Variants in HSPA8 observed in about 807,000 individuals in gnomAD.
HSPA8 encodes the protein heat shock cognate 71 kDa protein.
A neutral mutation model predicts 52.8 loss-of-function variants in HSPA8; 2 were observed. The observed-to-expected ratio is 0.04, with a 90% CI of 0.02 to 0.12. The LOEUF is 0.12. HSPA8 is among the 10% of genes least tolerant of loss of function. The pLI is 1.00. For missense variants in HSPA8, 349 were observed against 800.5 expected (o/e 0.44, Z 6.81); for synonymous variants, 436 against 274.0 (o/e 1.59, Z -5.84).
intron 2 of HSPA8, 46 bp from the exon 3 acceptor site, chr11:123,060,844 CTGATAAAACTCAAGTCCA>C (rs1865475443): frequency 6.5e-7 from 1 of 1,533,488 alleles, no homozygotes; most frequent in South Asian, 1.1e-5. Flanking sequence ...CATAGCTCTT[CTGATAAAACTCAAGTCCA>C]TGATTACTCA....
At position 123,062,129 on chromosome 11, in the gene HSPA8, T is replaced by A. The variant is rs1042314264; in HGVS notation, c.-71A>T. The A allele has an allele frequency of 6.6e-6, 1 of 152,598 alleles. No individual in the cohort carries two copies. Among genetic ancestry groups the A allele is most frequent in the Non-Finnish European group, 1.5e-5 (1 of 68,434 alleles). The allele number at this position is 152,598 out of a possible 1,614,324, so 9.5% of individuals were successfully genotyped here. A position where few individuals can be genotyped will look rare whatever the true frequency, so the allele number is the denominator to read the frequency against. ...AAAAACCCAAGAGCTGCAGGCGAGT[T>A]CAATGAGACCGGTTTCCGCCCGCCA... On this transcript the variant is annotated 5_prime_UTR_variant, in exon 1 of 9. Coordinates refer to ENST00000534624, the MANE Select transcript of HSPA8 (RefSeq NM_006597.6).
intron 2 of HSPA8, 135 bp from the exon 3 acceptor site, chr11:123,060,933 C>T (rs1865479559): frequency 1.1e-6 from 1 of 901,582 alleles, no homozygotes; most frequent in Non-Finnish European, 1.7e-6. Flanking sequence ...AAGGTTCAAA[C>T]TTCAACCTCC....
At chr11:123,061,837 C>G (rs930202020) in intron 1 of HSPA8, 1 of 164,984 alleles carries the variant, frequency 6.1e-6, no homozygotes, top group Non-Finnish European at 1.3e-5. Flanking sequence ...GTCTCCCAGC[C>G]TCCCCTGGGG....
At chr11:123,058,938 C>T in intron 6 of HSPA8, 108 bp from the exon 7 acceptor site, 1 of 1,385,244 alleles carries the variant, frequency 7.2e-7, no homozygotes, top group Non-Finnish European at 1.0e-6. Context: ...AGGAACTGGC[C>T]AACATAAGAC....
Position 123,060,208 on chromosome 11 carries a change from T to A in HSPA8, c.472A>T (p.Thr158Ser). 1 of 1,613,976 alleles carries A rather than the reference T, an allele frequency of 6.2e-7. No individual in the cohort carries two copies. The highest frequency in any genetic ancestry group is 8.5e-7 in the Non-Finnish European group (1 of 1,179,912). The change falls in exon 4 of 9, where the codon ACC (threonine) becomes TCC (serine). Residue 158 changes from threonine (T) to serine (S), a missense_variant. Coordinates refer to ENST00000534624, the MANE Select transcript of HSPA8 (RefSeq NM_006597.6). ...AYFNDSQRQA[T>S]KDAGTIAGLN... Reference sequence around the variant, plus strand: ...CCAGCAATAGTTCCAGCATCTTTGGTAGCCTGACGCTGAGAGTCATTAAAG... The same window carrying A: ...CCAGCAATAGTTCCAGCATCTTTGGAAGCCTGACGCTGAGAGTCATTAAAG...
At position 123,057,900 on chromosome 11, in the gene HSPA8, A is replaced by G. The variant is rs1339299808; in HGVS notation, c.1775T>C (p.Phe592Ser). The stretch of plus-strand genomic sequence containing the variant: ...CTCCAGCTCTTTCTGTTGATGTTCA[A>G]ATTCTTCCTTCTCAGCAGTCTGAGG... ...DKNQTAEKEE[F>S]EHQQKELEKV... The change falls in exon 9 of 9, where the codon TTT (phenylalanine) becomes TCT (serine). Residue 592 changes from phenylalanine (F) to serine (S), a missense_variant. Physicochemically the swap from Phe to Ser is radical, Grantham distance 155 (BLOSUM62 -2). Coordinates refer to ENST00000534624, the MANE Select transcript of HSPA8 (RefSeq NM_006597.6). 6.2e-7 allele frequency: 1 copy of G among 1,609,674 alleles called. No homozygotes were observed. The highest frequency in any genetic ancestry group is 1.7e-5 in the Admixed American group (1 of 58,682).
In HSPA8 at chr11:123,061,331, TGAAAAAAA is replaced by T. The variant is rs777360376; in HGVS notation, c.-5-10_-5-3del. ...CTGCAGGTCCCTTGGACATGGTTGC[TGAAAAAAA>T]GAAAAATCTGGTTTAAAAATTCAAT... On this transcript the variant is annotated splice_region_variant and splice_polypyrimidine_tract_variant and intron_variant, in intron 1 of 8. Transcript: ENST00000534624. 3.7e-5 allele frequency: 60 copies of T among 1,608,170 alleles called. No individual in the cohort carries two copies. Among genetic ancestry groups the T allele is most frequent in the African/African-American group, 1.4e-5 (1 of 73,664 alleles).
chr11:123,059,085 C>T lies in HSPA8; in HGVS notation c.1297G>A (p.Asp433Asn). 1 of 1,612,630 alleles carries T rather than the reference C, an allele frequency of 6.2e-7. No individual in the cohort carries two copies. Among genetic ancestry groups the T allele is most frequent in the Non-Finnish European group, 8.5e-7 (1 of 1,179,984 alleles). Reference protein sequence around the residue: ...KQTQTFTTYSDNQPGVLIQVY... With the variant: ...KQTQTFTTYSNNQPGVLIQVY... ...TGAATAAGCACACCAGGCTGGTTGT[C>T]AGAATAGGTAGTGAAGGTCTGTGTC... Residue 433 changes from aspartate (D) to asparagine (N), a missense_variant, in exon 6 of 9, where the codon GAC becomes AAC. Transcript: ENST00000534624.
intron 4 of HSPA8, 23 bp from the exon 5 acceptor site, chr11:123,060,051 T>A: frequency 1.9e-6 from 3 of 1,614,082 alleles, no homozygotes; most frequent in African/African-American, 1.3e-5. Context: ...ACAATCTCAT[T>A]TAAATTTACG....
Position 123,059,258 on chromosome 11 carries a change from A to G in HSPA8, c.1124T>C (p.Val375Ala). The G allele has an allele frequency of 1.2e-6, 2 of 1,612,068 alleles. No individual in the cohort carries two copies. Among genetic ancestry groups the G allele is most frequent in the Non-Finnish European group, 1.7e-6 (2 of 1,178,918 alleles). ...PDEAVAYGAA[V>A]QAAILSGDKS... is the part of the protein sequence containing the mutation. ...GTCTCCAGACAAGATGGCTGCCTGG[A>G]CAGCTAGCAAACAAAAAGTTAACGT... The change falls in exon 6 of 9, where the codon GTC becomes GCC. Residue 375 changes from valine to alanine, a missense_variant. Coordinates refer to ENST00000534624, the MANE Select transcript of HSPA8 (RefSeq NM_006597.6).
chr11:123,061,681 A>C (rs925736494), intron 1 of HSPA8: 3 of 314,834 alleles, frequency 9.5e-6, no homozygotes, highest in Non-Finnish European at 6.1e-6. Flanking sequence ...GTACCCCCAT[A>C]CTGGAAGCAC....
At chr11:123,060,355 A>T in intron 3 of HSPA8, 87 bp from the exon 4 acceptor site, 1 of 1,312,636 alleles carries the variant, frequency 7.6e-7, no homozygotes, top group Admixed American at 1.9e-5. Context: ...CTGGTGAAAG[A>T]ACAGCTGGAG....
chr11:123,058,792 G>A lies in HSPA8; in HGVS notation c.1362C>T (p.Asn454=), dbSNP rs759347844. Residue 454 remains asparagine (N), a synonymous_variant, in exon 7 of 9, where the codon AAC becomes AAT. Transcript: ENST00000534624. ...CTGTGAGTTCAAACTTGCCAAGCAG[G>A]TTGTTATCCTTTGTCATGGCACGCT... ...EGERAMTKDN[N]LLGKFELTGI... 1.7e-5 allele frequency: 27 copies of A among 1,614,150 alleles called. No individual in the cohort carries two copies. The highest frequency in any genetic ancestry group is 8.8e-5 in the South Asian group (8 of 91,088).
chr11:123,060,678 C>G lies in HSPA8; in HGVS notation c.326G>C (p.Gly109Ala). 6.2e-7 allele frequency: 1 copy of G among 1,613,736 alleles called. No individual in the cohort carries two copies. The highest frequency in any genetic ancestry group is 1.1e-5 in the South Asian group (1 of 91,068). ...GRPKVQVEYK[G>A]ETKSFYPEEV... is the part of the protein sequence containing the mutation. The stretch of plus-strand genomic sequence containing the variant: ...CTCTGGATAGAAGCTTTTGGTCTCT[C>G]CCTTGTATTCTACTTGGACCTTGGG... The change falls in exon 3 of 9, where the codon GGA becomes GCA. Residue 109 changes from glycine to alanine, a missense_variant. Physicochemically the swap from Gly to Ala is moderately conservative, Grantham distance 60. Transcript: ENST00000534624.
chr11:123,060,567 A>G, intron 3 of HSPA8, 26 bp downstream of exon 3: 2 of 1,547,038 alleles, frequency 1.3e-6, no homozygotes, highest in South Asian at 1.1e-5. Flanking sequence ...TCCGGAATGC[A>G]CCCCATACTG....
In HSPA8 at chr11:123,058,244, A is replaced by AAAAG; in HGVS notation, c.1755+7_1755+8insCTTT. 6.6e-7 allele frequency: 1 copy of AAAAG among 1,512,218 alleles called. No homozygotes were observed. The highest frequency in any genetic ancestry group is 1.8e-5 in the Admixed American group (1 of 56,324). The allele number at this position is 1,512,218 out of a possible 1,614,324, so 93.7% of individuals were successfully genotyped here. On this transcript the variant is annotated splice_region_variant and intron_variant, in intron 8 of 8. Transcript: ENST00000534624. ...GGGGGAGGAAAAAAAAAAAAAAAAA[A>AAAAG]CACAAACCTGATTCTTATCAAGCCA... is the stretch of plus-strand genomic sequence containing the variant.
At position 123,059,764 on chromosome 11, in the gene HSPA8, T is replaced by C; in HGVS notation, c.829A>G (p.Ser277Gly). 6.2e-7 allele frequency: 1 copy of C among 1,613,910 alleles called. No individual in the cohort carries two copies. The highest frequency in any genetic ancestry group is 8.5e-7 in the Non-Finnish European group (1 of 1,179,864). The change falls in exon 5 of 9, where the codon AGC becomes GGC. Residue 277 changes from serine to glycine, a missense_variant. Coordinates refer to ENST00000534624, the MANE Select transcript of HSPA8 (RefSeq NM_006597.6). Reference protein sequence around the residue: ...CERAKRTLSSSTQASIEIDSL... With the variant: ...CERAKRTLSSGTQASIEIDSL... ...TCGATCTCAATACTGGCCTGGGTGC[T>C]GGAAGAGAGGGTACGCTTAGCACGT...
chr11:123,058,427 G>A lies in HSPA8; in HGVS notation c.1580C>T (p.Ala527Val). ...CTTGTCCCTCTGCTTCTCATCTTCA[G>A]CTTTGTACTTCTCAGCTTCCTGGAC... ...RMVQEAEKYK[A>V]EDEKQRDKVS... Residue 527 changes from alanine to valine, a missense_variant, in exon 8 of 9, where the codon GCT becomes GTT. Physicochemically the swap from Ala to Val is moderately conservative, Grantham distance 64. Coordinates refer to ENST00000534624, the MANE Select transcript of HSPA8 (RefSeq NM_006597.6). The A allele has an allele frequency of 6.2e-7, 1 of 1,614,006 alleles. No homozygotes were observed. Among genetic ancestry groups the A allele is most frequent in the Non-Finnish European group, 8.5e-7 (1 of 1,180,016 alleles).
In HSPA8 at chr11:123,059,579, A is replaced by C; in HGVS notation, c.1014T>G (p.Gly338=). 1 of 1,614,120 alleles carries C rather than the reference A, an allele frequency of 6.2e-7. No homozygotes were observed. Among genetic ancestry groups the C allele is most frequent in the Non-Finnish European group, 8.5e-7 (1 of 1,179,986 alleles). The change falls in exon 5 of 9, where the codon GGT becomes GGG. Residue 338 remains glycine (G), a synonymous_variant. Transcript: ENST00000534624. The part of the protein sequence containing the change: ...KSQIHDIVLV[G]GSTRIPKIQK... ...GAATCTTGGGGATACGAGTAGAACC[A>C]CCAACCAGGACAATATCATGAATCT...
Sources: gnomAD v4.1 joint callset for allele counts on GRCh38, gnomAD v4.1.1 for gene constraint, MANE v1.5 for transcripts, NCBI Gene and HGNC (gene_info 2026-07-23, HGNC 2026-07-21) for gene names.